Variants in WWOX observed in about 807,000 individuals in gnomAD.
The protein encoded by WWOX is WW domain containing oxidoreductase, also known as WW domain-containing oxidoreductase.
Under a neutral mutation model 46.2 loss-of-function variants are expected in WWOX, and 69 were observed. The observed-to-expected ratio is 1.49, with a 90% confidence interval of 1.23 to 1.82. The LOEUF is 1.82. Ranked by LOEUF, WWOX falls within the 40% of genes most tolerant of loss-of-function variation. The pLI, the probability that WWOX is intolerant of heterozygous loss-of-function variation, is 0.00. For missense variants in WWOX, 919 were observed against 542.6 expected (o/e 1.69, Z -6.89); for synonymous variants, 359 against 202.6 (o/e 1.77, Z -6.56).
intron 8 of WWOX, among the ~76,000 whole-genome samples, chr16:78,463,514 T>C (rs1404150995): frequency 6.6e-6 from 1 of 152,206 alleles, no homozygotes; most frequent in African/African-American, 2.4e-5. Flanking sequence ...TTGATAAACA[T>C]GTAACTGGTC....
chr16:78,709,649 A>G (rs908907542), intron 8 of WWOX, among the ~76,000 whole-genome samples: 1 of 151,996 alleles, frequency 6.6e-6, no homozygotes, highest in African/African-American at 2.4e-5. Context: ...GGGAATGAAA[A>G]CCAACTGCCC....
chr16:79,174,619 GC>G (rs2050764944), intron 8 of WWOX, among the ~76,000 whole-genome samples: 1 of 152,206 alleles, frequency 6.6e-6, no homozygotes, highest in African/African-American at 2.4e-5. Flanking sequence ...TTGCACTCCA[GC>G]CTGGGCAACA....
intron 8 of WWOX, among the ~76,000 whole-genome samples, chr16:78,783,875 A>T (rs939374086): frequency 2.2e-5 from 2 of 91,164 alleles, no homozygotes; most frequent in African/African-American, 4.7e-5. Context: ...GATGGTGATG[A>T]CGATGATAAT....
At chr16:79,181,028 AC>A (rs1199051180) in intron 8 of WWOX, among the ~76,000 whole-genome samples, 3 of 152,224 alleles carry the variant, frequency 2.0e-5, no homozygotes, top group Non-Finnish European at 4.4e-5. Flanking sequence ...TTAAGTTAAT[AC>A]ATGCTCATTT....
chr16:78,875,039 G>C (rs1190795082), intron 8 of WWOX, among the ~76,000 whole-genome samples: 3 of 152,106 alleles, frequency 2.0e-5, no homozygotes, highest in Non-Finnish European at 2.9e-5. Flanking sequence ...TTCTGAGAAA[G>C]TTACTATTTC....
intron 8 of WWOX, among the ~76,000 whole-genome samples, chr16:78,809,495 G>T (rs1216321034): frequency 6.6e-6 from 1 of 152,052 alleles, no homozygotes; most frequent in African/African-American, 2.4e-5. Context: ...CCTCTACCCT[G>T]AGGACTCTGC....
At chr16:79,195,984 T>C (rs1186999604) in intron 8 of WWOX, among the ~76,000 whole-genome samples, 1 of 152,256 alleles carries the variant, frequency 6.6e-6, no homozygotes, top group African/African-American at 2.4e-5. Flanking sequence ...AATATTCTTC[T>C]GTTAGTGGGG....
At chr16:78,591,445 T>G (rs72803980) in intron 8 of WWOX, among the ~76,000 whole-genome samples, 5,647 of 152,268 alleles carry the variant, frequency 0.037, 157 homozygotes, top group Middle Eastern at 0.095. Flanking sequence ...CCTCACACTT[T>G]CCACTCTCTG....
At chr16:78,479,943 G>A (rs1182169086) in intron 8 of WWOX, among the ~76,000 whole-genome samples, 1 of 152,174 alleles carries the variant, frequency 6.6e-6, no homozygotes, top group Non-Finnish European at 1.5e-5. Context: ...TAAGAGACAA[G>A]AGAAAGGGAG....
At chr16:78,610,716 T>C (rs1228130034) in intron 8 of WWOX, among the ~76,000 whole-genome samples, 19 of 152,138 alleles carry the variant, frequency 1.2e-4, no homozygotes, top group Admixed American at 1.2e-3. Context: ...AACAGAAATC[T>C]AACTTAGGGA....
At chr16:78,481,645 A>AAAAAGAT (rs79950393) in intron 8 of WWOX, among the ~76,000 whole-genome samples, 22,821 of 148,690 alleles carry the variant, frequency 0.15, 1,970 homozygotes, top group African/African-American at 0.18. Flanking sequence ...GAAAAAAAAA[A>AAAAAGAT]AGAATGTTTT....
intron 8 of WWOX, among the ~76,000 whole-genome samples, chr16:78,441,247 C>T (rs2083437975): frequency 6.6e-6 from 1 of 152,066 alleles, no homozygotes; most frequent in African/African-American, 2.4e-5. Context: ...AATGTCTGTC[C>T]CCCCTTCTCT....
rs1174623592 is a variant in WWOX at position 78,501,542 on chromosome 16, CT to C, written c.1056+68802del. Among the ~76,000 whole-genome samples the C allele has an allele frequency of 6.8e-3, 982 of 145,172 alleles. 5 individuals carry two copies. Among genetic ancestry groups the C allele is most frequent in the African/African-American group, 0.019 (762 of 39,854 alleles). On this transcript the variant is annotated intron_variant, in intron 8 of 8. Transcript: ENST00000566780. ...ACCACCTGAGAAGTTCTTTTTCTTT[CT>C]TTTTTTTTTTTGAGATGGAGTCTTC...
intron 8 of WWOX, among the ~76,000 whole-genome samples, chr16:78,664,784 C>T (rs141438712): frequency 6.6e-6 from 1 of 152,196 alleles, no homozygotes; most frequent in African/African-American, 2.4e-5. Flanking sequence ...TAATTATTAA[C>T]AGTTAAAAAT....
intron 8 of WWOX, among the ~76,000 whole-genome samples, chr16:79,010,898 G>A (rs990164314): frequency 6.6e-6 from 1 of 152,036 alleles, no homozygotes; most frequent in South Asian, 2.1e-4. Flanking sequence ...AGGGCAGACG[G>A]GGTCATGTTG....
chr16:78,623,811 A>G (rs1168930669), intron 8 of WWOX, among the ~76,000 whole-genome samples: 2 of 152,208 alleles, frequency 1.3e-5, no homozygotes, highest in Non-Finnish European at 2.9e-5. Context: ...GAAGAAGAAA[A>G]TAATATACAT....
chr16:78,824,739 G>T (rs1021333044), intron 8 of WWOX, among the ~76,000 whole-genome samples: 1 of 152,056 alleles, frequency 6.6e-6, no homozygotes, highest in African/African-American at 2.4e-5. Flanking sequence ...AGGAAAGACC[G>T]GCCCACATGA....
intron 8 of WWOX, among the ~76,000 whole-genome samples, chr16:79,146,859 G>C (rs142312673): frequency 3.2e-4 from 48 of 152,232 alleles, no homozygotes; most frequent in African/African-American, 1.1e-3. Context: ...AAGGAGGTTG[G>C]AGGCACCTTC....
At chr16:78,638,334 C>T (rs987477963) in intron 8 of WWOX, among the ~76,000 whole-genome samples, 1 of 152,272 alleles carries the variant, frequency 6.6e-6, no homozygotes, top group African/African-American at 2.4e-5. Flanking sequence ...GTTCTTTAAA[C>T]CTCTCTATTC....
Sources: gnomAD v4.1 joint callset for allele counts (sites outside exome capture counted in the v4.1 genomes callset) on GRCh38, gnomAD v4.1.1 for gene constraint, MANE v1.5 for transcripts, NCBI Gene and HGNC (gene_info 2026-07-23, HGNC 2026-07-21) for gene names.